The following PCDHA12 variants were observed in gnomAD, a reference collection of about 807,000 sequenced individuals.
PCDHA12 encodes the protein protocadherin alpha-12.
Under a neutral mutation model 60.0 loss-of-function variants are expected in PCDHA12, and 44 were observed. The ratio of observed to expected loss-of-function variants is 0.73; its 90% confidence interval spans 0.58 to 0.94. PCDHA12 has a LOEUF of 0.94. PCDHA12 is among the 40% of genes least tolerant of loss of function. The pLI is 0.00. For missense variants in PCDHA12, 1,276 were observed against 1,239.7 expected (o/e 1.03, Z -0.44); for synonymous variants, 569 against 553.0 (o/e 1.03, Z -0.40).
At chr5:140,885,917 T>G (rs2060772831) in intron 1 of PCDHA12, among the ~76,000 whole-genome samples, 1 of 152,212 alleles carries the variant, frequency 6.6e-6, no homozygotes, top group Non-Finnish European at 1.5e-5. Flanking sequence ...TTATAGATAT[T>G]AACTGTTTAT....
In PCDHA12 at chr5:140,978,987, C is replaced by T; in HGVS notation, c.2406C>T (p.Ser802=). 4 of 1,614,162 alleles carry T rather than the reference C, an allele frequency of 2.5e-6. No homozygotes were observed. In the South Asian group the frequency reaches 3.3e-5, roughly 13 times the overall value. The change falls in exon 2 of 4, where the codon TCC becomes TCT. Residue 802 remains serine (S), a synonymous_variant. Transcript: ENST00000398631. ...QPNPDWRYSA[S]LRAGMHSSVH... ...ACCCTGACTGGCGTTACTCTGCCTC[C>T]CTGAGAGCAGGCATGCACAGGTATG...
intron 3 of PCDHA12, among the ~76,000 whole-genome samples, chr5:141,006,608 G>A (rs2098279719): frequency 6.6e-6 from 1 of 152,200 alleles, no homozygotes; most frequent in African/African-American, 2.4e-5. Flanking sequence ...GAAGCAGACT[G>A]AATAAGGAGA....
At chr5:140,879,802 T>A (rs535783687) in intron 1 of PCDHA12, among the ~76,000 whole-genome samples, 1 of 152,330 alleles carries the variant, frequency 6.6e-6, no homozygotes, top group Non-Finnish European at 1.5e-5. Flanking sequence ...TCTTCCAGTT[T>A]CTATTGGCTG....
chr5:140,922,784 C>G (rs1399042980), intron 1 of PCDHA12, among the ~76,000 whole-genome samples: 1 of 152,140 alleles, frequency 6.6e-6, no homozygotes, highest in Non-Finnish European at 1.5e-5. Context: ...GGAGAGAAAA[C>G]TGTAGCTTTG....
chr5:140,984,365 C>G (rs2097099251), intron 3 of PCDHA12, among the ~76,000 whole-genome samples: 1 of 152,128 alleles, frequency 6.6e-6, no homozygotes. Flanking sequence ...TACATCTGGC[C>G]AAGTCCCTCT....
intron 1 of PCDHA12, among the ~76,000 whole-genome samples, chr5:140,886,716 C>T (rs1160663504): frequency 1.3e-5 from 2 of 151,034 alleles, no homozygotes; most frequent in Non-Finnish European, 2.9e-5. Flanking sequence ...ATCCCAGCTA[C>T]TTGGGAGGCT....
intron 1 of PCDHA12, chr5:140,927,491 T>G (rs2084266726): frequency 1.2e-6 from 2 of 1,614,118 alleles, no homozygotes; most frequent in Non-Finnish European, 1.7e-6. Flanking sequence ...GCCACCCACC[T>G]GCTGGTGCTT....
intron 1 of PCDHA12, chr5:140,969,343 G>C: frequency 1.2e-6 from 2 of 1,613,728 alleles, no homozygotes; most frequent in Non-Finnish European, 1.7e-6. Flanking sequence ...TGAGACAGTG[G>C]TCAGGGGGTC....
chr5:140,934,569 A>AT (rs1286294364), intron 1 of PCDHA12, among the ~76,000 whole-genome samples: 1 of 152,044 alleles, frequency 6.6e-6, no homozygotes, highest in Admixed American at 6.6e-5. Context: ...TTTTTAATTA[A>AT]TTGTAACATT....
intron 1 of PCDHA12, among the ~76,000 whole-genome samples, chr5:140,978,505 C>T (rs2096806553): frequency 6.6e-6 from 1 of 152,354 alleles, no homozygotes; most frequent in South Asian, 2.1e-4. Context: ...AGATTGCAGT[C>T]CTCTGCAGTC....
chr5:140,899,544 T>A (rs925092249), intron 1 of PCDHA12, among the ~76,000 whole-genome samples: 11 of 152,202 alleles, frequency 7.2e-5, no homozygotes, highest in Non-Finnish European at 1.5e-5. Context: ...TTGATCATGG[T>A]GGATAAGCTT....
intron 1 of PCDHA12, chr5:140,966,926 C>G (rs782811757): frequency 1.9e-6 from 3 of 1,603,462 alleles, no homozygotes; most frequent in Admixed American, 1.7e-5. Flanking sequence ...GGAGCAGGCA[C>G]CCGGCGCGCT....
chr5:140,937,343 A>G (rs1412775724), intron 1 of PCDHA12, among the ~76,000 whole-genome samples: 1 of 151,948 alleles, frequency 6.6e-6, no homozygotes, highest in Non-Finnish European at 1.5e-5. Context: ...GGCTTCTTCC[A>G]TTTATTTTAT....
At chr5:140,920,093 T>C (rs1289681170) in intron 1 of PCDHA12, among the ~76,000 whole-genome samples, 1 of 152,176 alleles carries the variant, frequency 6.6e-6, no homozygotes, top group African/African-American at 2.4e-5. Flanking sequence ...GTAGAGCCTC[T>C]AAAGGGAGTG....
In PCDHA12 at chr5:140,883,790, G is replaced by T. The variant is rs200436467; in HGVS notation, c.2367+5951G>T. ...GGGCGAGCGTGCGCTGTCGAGCTAC[G>T]TGTCGGTGCACGCGGAGAGCGGCAA... On this transcript the variant is annotated intron_variant, in intron 1 of 3. Coordinates refer to ENST00000398631, the MANE Select transcript of PCDHA12 (RefSeq NM_018903.4). The T allele has an allele frequency of 3.5e-5, 57 of 1,612,406 alleles. No homozygotes were observed. The highest frequency in any genetic ancestry group is 4.3e-5 in the Non-Finnish European group (51 of 1,179,760).
chr5:140,926,656 T>C (rs1372034097), intron 1 of PCDHA12: 1 of 513,300 alleles, frequency 1.9e-6, no homozygotes, highest in Non-Finnish European at 3.1e-6. Flanking sequence ...CGGCTCCGCT[T>C]TCCCAGACGG....
chr5:140,894,571 T>A (rs782019282), intron 1 of PCDHA12, among the ~76,000 whole-genome samples: 5 of 151,906 alleles, frequency 3.3e-5, no homozygotes, highest in Non-Finnish European at 5.9e-5. Context: ...TTATTTTCCT[T>A]TTTTTTAATA....
intron 1 of PCDHA12, among the ~76,000 whole-genome samples, chr5:140,911,032 A>G (rs2075293448): frequency 6.6e-6 from 1 of 152,092 alleles, no homozygotes; most frequent in African/African-American, 2.4e-5. Flanking sequence ...TTATAGGTCT[A>G]GAAGCAAACA....
chr5:140,876,231 A>C lies in PCDHA12; in HGVS notation c.759A>C (p.Glu253Asp), dbSNP rs1428769390. 4 of 1,614,004 alleles carry C rather than the reference A, an allele frequency of 2.5e-6. No individual in the cohort carries two copies. The highest frequency in any genetic ancestry group is 3.4e-6 in the Non-Finnish European group (4 of 1,179,892). Reference protein sequence around the residue: ...DKPSYKVVLSENVQNDTRVIQ... With the variant: ...DKPSYKVVLSDNVQNDTRVIQ... ...CCAGCTATAAAGTAGTGTTGTCTGAAAATGTCCAAAACGACACAAGAGTGA... is the reference window on the plus strand; with the variant it reads ...CCAGCTATAAAGTAGTGTTGTCTGACAATGTCCAAAACGACACAAGAGTGA... Residue 253 changes from glutamate (E) to aspartate (D), a missense_variant, in exon 1 of 4, where the codon GAA becomes GAC. Coordinates refer to ENST00000398631, the MANE Select transcript of PCDHA12 (RefSeq NM_018903.4).
Sources: gnomAD v4.1 joint callset for allele counts (sites outside exome capture counted in the v4.1 genomes callset) on GRCh38, gnomAD v4.1.1 for gene constraint, MANE v1.5 for transcripts, NCBI Gene and HGNC (gene_info 2026-07-23, HGNC 2026-07-21) for gene names.